Variants in COTL1 observed in about 807,000 individuals in gnomAD.
COTL1 encodes the protein coactosin-like protein.
COTL1 carries 15 observed loss-of-function variants against 16.5 expected under a neutral mutation model. The ratio of observed to expected loss-of-function variants is 0.91; its 90% confidence interval spans 0.61 to 1.40. COTL1 has a LOEUF of 1.40. COTL1 is among the 40% of genes most tolerant of loss of function. COTL1 has a pLI of 0.00. For synonymous variants in COTL1, 112 were observed against 85.3 expected (o/e 1.31, Z -1.73); for missense variants, 220 against 201.5 (o/e 1.09, Z -0.56).
chr16:84,593,948 C>T (rs1323560684), intron 2 of COTL1, among the ~76,000 whole-genome samples: 1 of 152,234 alleles, frequency 6.6e-6, no homozygotes, highest in Non-Finnish European at 1.5e-5. Flanking sequence ...TTCCCCCAGG[C>T]CCTGGCAGCC....
At chr16:84,582,540 TAGG>T (rs1555522590) in intron 3 of COTL1, among the ~76,000 whole-genome samples, 2 of 152,242 alleles carry the variant, frequency 1.3e-5, no homozygotes, top group Non-Finnish European at 1.5e-5. Flanking sequence ...TTCTGCCTTT[TAGG>T]AGATTATTTC....
chr16:84,617,726 G>A (rs1905534770), intron 1 of COTL1, 112 bp downstream of exon 1: 4 of 1,377,178 alleles, frequency 2.9e-6, no homozygotes, highest in South Asian at 2.5e-5. Context: ...GGAATAAGGC[G>A]AGGAAGACAG....
At chr16:84,593,008 C>T (rs1441438731) in intron 2 of COTL1, among the ~76,000 whole-genome samples, 2 of 152,248 alleles carry the variant, frequency 1.3e-5, no homozygotes, top group East Asian at 3.8e-4. Flanking sequence ...TCTATTTCAT[C>T]TCATTTGGTC....
chr16:84,608,971 T>A (rs1296990960), intron 2 of COTL1, among the ~76,000 whole-genome samples: 2 of 152,182 alleles, frequency 1.3e-5, no homozygotes, highest in African/African-American at 4.8e-5. Context: ...ATAAAATGTT[T>A]GTCGCATGCA....
intron 3 of COTL1, among the ~76,000 whole-genome samples, chr16:84,578,266 T>C (rs772292232): frequency 1.3e-5 from 2 of 152,154 alleles, no homozygotes; most frequent in South Asian, 2.1e-4. Context: ...TGTTTGGGGA[T>C]TTTTCCCAAA....
At chr16:84,573,073 C>T (rs1904367891) in intron 3 of COTL1, among the ~76,000 whole-genome samples, 1 of 152,204 alleles carries the variant, frequency 6.6e-6, no homozygotes, top group African/African-American at 2.4e-5. Context: ...CAATTTGCTA[C>T]TAGCCACATT....
chr16:84,611,184 C>G (rs1457936031), intron 2 of COTL1, among the ~76,000 whole-genome samples: 1 of 152,242 alleles, frequency 6.6e-6, no homozygotes, highest in Non-Finnish European at 1.5e-5. Flanking sequence ...ACGCCCCAGC[C>G]TCACCACTGA....
intron 2 of COTL1, among the ~76,000 whole-genome samples, chr16:84,616,928 C>T (rs553265721): frequency 1.6e-4 from 25 of 152,324 alleles, no homozygotes; most frequent in African/African-American, 5.8e-4. Flanking sequence ...GCCCCAAAAG[C>T]TAATCTCGAT....
chr16:84,571,303 G>C (rs1033939339), intron 3 of COTL1, among the ~76,000 whole-genome samples: 2 of 152,202 alleles, frequency 1.3e-5, no homozygotes, highest in African/African-American at 2.4e-5. Flanking sequence ...AGGGATGGAC[G>C]GAGGACACTG....
At chr16:84,602,613 G>T (rs1212230377) in intron 2 of COTL1, among the ~76,000 whole-genome samples, 3 of 152,158 alleles carry the variant, frequency 2.0e-5, no homozygotes, top group African/African-American at 7.2e-5. Context: ...CCAGCACTTT[G>T]GGAGGCCAAG....
chr16:84,602,717 T>C (rs1467301057), intron 2 of COTL1, among the ~76,000 whole-genome samples: 1 of 152,042 alleles, frequency 6.6e-6, no homozygotes, highest in African/African-American at 2.4e-5. Context: ...TAGCCATTCA[T>C]GGTGGTGCAC....
chr16:84,607,835 G>A (rs970867959), intron 2 of COTL1, among the ~76,000 whole-genome samples: 1 of 152,150 alleles, frequency 6.6e-6, no homozygotes, highest in African/African-American at 2.4e-5. Flanking sequence ...GGGCATAGTA[G>A]ATGCTCGAGA....
chr16:84,572,919 ATT>A (rs56198127), intron 3 of COTL1, among the ~76,000 whole-genome samples: 4 of 145,826 alleles, frequency 2.7e-5, no homozygotes. Context: ...TGCCCGACTA[ATT>A]TTTTTTTTTT....
intron 2 of COTL1, among the ~76,000 whole-genome samples, chr16:84,593,713 G>A (rs536982373): frequency 3.9e-5 from 6 of 151,962 alleles, no homozygotes; most frequent in South Asian, 4.2e-4. Flanking sequence ...GGGTTTCACC[G>A]TGGTCTTGAT....
chr16:84,590,358 G>A lies in COTL1; in HGVS notation c.161-96C>T, dbSNP rs903369939. 2.1e-6 allele frequency: 3 copies of A among 1,438,214 alleles called. No homozygotes were observed. Among genetic ancestry groups the A allele is most frequent in the Middle Eastern group, 1.9e-4 (1 of 5,134 alleles). The allele number at this position is 1,438,214 out of a possible 1,614,324, so 89.1% of individuals were successfully genotyped here. A position where few individuals can be genotyped will look rare whatever the true frequency, so the allele number is the denominator to read the frequency against. On this transcript the variant is annotated intron_variant, in intron 2 of 3. Coordinates refer to ENST00000262428, the MANE Select transcript of COTL1 (RefSeq NM_021149.5). The surrounding 1 kb of genome is among the most constrained non-coding windows in gnomAD (Gnocchi z 5.5). ...GCTGTGAGCCACGAGTGCGCCTGGAGCAGCACAGCAGGAGACCGGTGCAGT... is the reference window on the plus strand; with the variant it reads ...GCTGTGAGCCACGAGTGCGCCTGGAACAGCACAGCAGGAGACCGGTGCAGT...
At chr16:84,588,186 G>C (rs1046636933) in intron 3 of COTL1, among the ~76,000 whole-genome samples, 2 of 151,978 alleles carry the variant, frequency 1.3e-5, no homozygotes, top group Non-Finnish European at 2.9e-5. Context: ...TTCGAGGCCA[G>C]CCTGGGCAAT....
rs1047806288 is a variant in COTL1 at position 84,585,573 on chromosome 16, G to A, written c.318+4532C>T. On this transcript the variant is annotated intron_variant, in intron 3 of 3. Transcript: ENST00000262428. Reference sequence around the variant, plus strand: ...AATGATGGCAAAAAGTGCAGCTGGGGAAGTGACCTGGTCCCCAAGACATGG... The same window carrying A: ...AATGATGGCAAAAAGTGCAGCTGGGAAAGTGACCTGGTCCCCAAGACATGG... Among the ~76,000 whole-genome samples the A allele has an allele frequency of 3.3e-5, 5 of 152,258 alleles. No individual in the cohort carries two copies. In the East Asian group the frequency reaches 5.8e-4, roughly 18 times the overall value.
At chr16:84,583,186 C>T (rs1484491100) in intron 3 of COTL1, among the ~76,000 whole-genome samples, 2 of 152,148 alleles carry the variant, frequency 1.3e-5, no homozygotes, top group Admixed American at 6.5e-5. Flanking sequence ...TCCAAGCACC[C>T]GGACCTTGAG....
chr16:84,586,145 T>C (rs1174338263), intron 3 of COTL1, among the ~76,000 whole-genome samples: 4 of 152,192 alleles, frequency 2.6e-5, no homozygotes, highest in African/African-American at 4.8e-5. Context: ...TCTTTGGCTG[T>C]GCAGAGGCTG....
Sources: allele counts gnomAD v4.1 joint callset (sites outside exome capture counted in the v4.1 genomes callset), GRCh38; gene constraint gnomAD v4.1.1; non-coding constraint Gnocchi (gnomAD v3.1); transcripts MANE v1.5; gene names NCBI Gene and HGNC (gene_info 2026-07-23, HGNC 2026-07-21).